EPB41: variants seen among roughly 807,000 people sequenced by gnomAD.
The protein encoded by EPB41 is protein 4.1.
In EPB41, 65 loss-of-function variants were observed where a neutral mutation model predicts 108.0. The ratio of observed to expected loss-of-function variants is 0.60; its 90% confidence interval spans 0.49 to 0.74. The LOEUF (loss-of-function observed/expected upper bound fraction) is 0.74, where lower values mean the gene tolerates loss of function less well. EPB41 is among the 30% of genes least tolerant of loss of function. EPB41 has a pLI of 0.00. For synonymous variants in EPB41, 336 were observed against 358.9 expected (o/e 0.94, Z 0.72); for missense variants, 875 against 1,037.0 (o/e 0.84, Z 2.15).
chr1:28,888,126 A>G (rs2089662148), intron 1 of EPB41, among the ~76,000 whole-genome samples: 1 of 152,136 alleles, frequency 6.6e-6, no homozygotes, highest in Non-Finnish European at 1.5e-5. Context: ...GTTGGGGAAG[A>G]TGATTCTAGG....
chr1:29,100,622 C>A (rs1664989897), intron 17 of EPB41, among the ~76,000 whole-genome samples: 1 of 144,762 alleles, frequency 6.9e-6, no homozygotes, highest in African/African-American at 2.5e-5. Context: ...AGACCCCCAT[C>A]TCTTTTATAT....
chr1:29,104,037 G>A (rs1017265894), intron 17 of EPB41, among the ~76,000 whole-genome samples: 2 of 152,174 alleles, frequency 1.3e-5, no homozygotes, highest in Non-Finnish European at 2.9e-5. Context: ...TCGAGTCAGA[G>A]TCAGATTTCC....
At chr1:28,910,545 G>C (rs1360373332), upstream of EPB41, among the ~76,000 whole-genome samples, 1 of 152,026 alleles carries the variant, frequency 6.6e-6, no homozygotes, top group Non-Finnish European at 1.5e-5. Context: ...CCAGATTTGG[G>C]TATGGTTTCC....
intron 1 of EPB41, among the ~76,000 whole-genome samples, chr1:28,970,759 G>A (rs1409945718): frequency 6.6e-6 from 1 of 152,210 alleles, no homozygotes; most frequent in Non-Finnish European, 1.5e-5. Context: ...TTAGGCTTAT[G>A]TGGTACTTGA....
At chr1:28,924,765 C>T (rs1414223698) in intron 1 of EPB41, among the ~76,000 whole-genome samples, 1 of 152,118 alleles carries the variant, frequency 6.6e-6, no homozygotes, top group Admixed American at 6.6e-5. Context: ...TGGGACATAG[C>T]AGTGAATAAA....
intron 1 of EPB41, among the ~76,000 whole-genome samples, chr1:28,907,752 A>G (rs1213601286): frequency 6.6e-6 from 1 of 152,006 alleles, no homozygotes; most frequent in Non-Finnish European, 1.5e-5. Context: ...AGCTGGGACC[A>G]CAGGCAGGTG....
chr1:28,967,299 T>G (rs1220010473), intron 1 of EPB41, among the ~76,000 whole-genome samples: 1 of 152,230 alleles, frequency 6.6e-6, no homozygotes, highest in Non-Finnish European at 1.5e-5. Flanking sequence ...ATTACAGGCG[T>G]GAGCCACCAC....
At chr1:29,106,420 A>C (rs1234755047) in intron 17 of EPB41, among the ~76,000 whole-genome samples, 2 of 152,060 alleles carry the variant, frequency 1.3e-5, no homozygotes, top group African/African-American at 4.8e-5. Flanking sequence ...TGTAGGCAGA[A>C]CACATATTCC....
At chr1:28,938,452 A>C (rs1411568581) in intron 1 of EPB41, among the ~76,000 whole-genome samples, 1 of 151,430 alleles carries the variant, frequency 6.6e-6, no homozygotes, top group African/African-American at 2.4e-5. Flanking sequence ...GTATTTCATT[A>C]TTTTGCATGC....
At chr1:29,037,685 T>C (rs952880773) in intron 10 of EPB41, among the ~76,000 whole-genome samples, 4 of 151,418 alleles carry the variant, frequency 2.6e-5, no homozygotes, top group Admixed American at 2.0e-4. Flanking sequence ...TATAGATGCA[T>C]ACCACCATGC....
chr1:28,933,593 G>A (rs533259837), intron 1 of EPB41, among the ~76,000 whole-genome samples: 1 of 152,274 alleles, frequency 6.6e-6, no homozygotes, highest in South Asian at 2.1e-4. Flanking sequence ...GCATTTAGTG[G>A]TTATGTCTTC....
At chr1:29,066,680 T>G (rs1022730595) in intron 16 of EPB41, among the ~76,000 whole-genome samples, 1 of 152,032 alleles carries the variant, frequency 6.6e-6, no homozygotes, top group African/African-American at 2.4e-5. Flanking sequence ...ACTTTTTTTT[T>G]CCCTTTCTTT....
rs142215081 is a variant in EPB41, at chr1:29,042,089, G to A, written c.1636+2663G>A. Among the ~76,000 whole-genome samples, 572 of 152,232 alleles carry A rather than the reference G, an allele frequency of 3.8e-3. 6 individuals are homozygous for A. The highest frequency in any genetic ancestry group is 0.013 in the African/African-American group (531 of 41,536). ...CCTCTCATGAGATATGTAGACCATTGTACAGCAGCCATAGTCACCATTTGG... is the reference window on the plus strand; with the variant it reads ...CCTCTCATGAGATATGTAGACCATTATACAGCAGCCATAGTCACCATTTGG... On this transcript the variant is annotated intron_variant, in intron 11 of 20. Transcript: ENST00000343067.
chr1:28,998,204 C>T (rs1486249612), intron 4 of EPB41, among the ~76,000 whole-genome samples: 1 of 152,066 alleles, frequency 6.6e-6, no homozygotes, highest in Non-Finnish European at 1.5e-5. Flanking sequence ...GATGCCTTAG[C>T]TGAGAGAGAC....
chr1:28,981,262 G>C (rs1395946037), intron 1 of EPB41, among the ~76,000 whole-genome samples: 1 of 152,154 alleles, frequency 6.6e-6, no homozygotes, highest in Admixed American at 6.5e-5. Context: ...ATTTCTGCAT[G>C]CCTAAAACAA....
chr1:29,011,049 C>T (rs185239771), intron 4 of EPB41, among the ~76,000 whole-genome samples: 299 of 147,344 alleles, frequency 2.0e-3, no homozygotes, highest in African/African-American at 6.5e-3. Flanking sequence ...ACCCGGGAGG[C>T]GGAGGTTGCA....
intron 9 of EPB41, among the ~76,000 whole-genome samples, 173 bp from the exon 10 acceptor site, chr1:29,035,653 T>A (rs1335297175): frequency 6.6e-6 from 1 of 151,942 alleles, no homozygotes; most frequent in Non-Finnish European, 1.5e-5. Context: ...CCACCCTCAG[T>A]GAGTGAATTT....
At position 29,020,896 on chromosome 1, in the gene EPB41, G is replaced by C. The variant is rs989028142; in HGVS notation, c.1124+2454G>C. Among the ~76,000 whole-genome samples, 6 of 152,148 alleles carry C rather than the reference G, an allele frequency of 3.9e-5. No individual in the cohort carries two copies. In the South Asian group the frequency reaches 1.2e-3, roughly 31 times the overall value. ...GCTGATCTCAAACTTCCAGCCTCAA[G>C]ACTCCCAAGGTGCTAGGACTACAGG... On this transcript the variant is annotated intron_variant, in intron 7 of 20. Coordinates refer to ENST00000343067, the MANE Select transcript of EPB41 (RefSeq NM_001376013.1).
At chr1:28,924,255 T>C (rs1397569299) in intron 1 of EPB41, among the ~76,000 whole-genome samples, 4 of 152,098 alleles carry the variant, frequency 2.6e-5, no homozygotes, top group Non-Finnish European at 5.9e-5. Flanking sequence ...CCTGGCCGGG[T>C]GCGTGGCTCA....
Sources: allele counts gnomAD v4.1 joint callset (sites outside exome capture counted in the v4.1 genomes callset), GRCh38; gene constraint gnomAD v4.1.1; transcripts MANE v1.5; gene names NCBI Gene and HGNC (gene_info 2026-07-23, HGNC 2026-07-21).